Variants in ALDH3B1 observed in about 807,000 individuals in gnomAD.
ALDH3B1 encodes aldehyde dehydrogenase 3 family member B1, also known as aldehyde dehydrogenase family 3 member B1.
A neutral mutation model predicts 46.2 loss-of-function variants in ALDH3B1; 37 were observed. That is an observed-to-expected ratio of 0.80 (90% CI 0.62 to 1.05). The LOEUF (loss-of-function observed/expected upper bound fraction) is 1.05. ALDH3B1 is among the 50% of genes least tolerant of loss of function. ALDH3B1 has a pLI of 0.00. For missense variants in ALDH3B1, 603 were observed against 665.5 expected, an observed-to-expected ratio of 0.91 and a Z score of 1.03; for synonymous variants, 283 against 281.0, an observed-to-expected ratio of 1.01 and a Z score of -0.07.
At chr11:68,015,062 G>A (rs1857314724) in intron 1 of ALDH3B1, 1 of 448,308 alleles carries the variant, frequency 2.2e-6, no homozygotes, top group South Asian at 5.4e-5. Flanking sequence ...GGGGAGTGGT[G>A]CGAGGGTCTT....
chr11:68,019,368 C>T (rs544254070), intron 5 of ALDH3B1, 113 bp downstream of exon 5: 176 of 925,136 alleles, frequency 1.9e-4, no homozygotes, highest in Non-Finnish European at 2.6e-4. Flanking sequence ...TCAATCCTGC[C>T]TCTTCTGAGT....
intron 9 of ALDH3B1, among the ~76,000 whole-genome samples, chr11:68,026,921 C>A (rs1330662082): frequency 1.3e-5 from 2 of 152,172 alleles, no homozygotes; most frequent in African/African-American, 2.4e-5. Flanking sequence ...ACCTAGCTGC[C>A]TCCCCAGCCC....
At chr11:68,026,879 C>T (rs951305162) in intron 9 of ALDH3B1, among the ~76,000 whole-genome samples, 22 of 152,320 alleles carry the variant, frequency 1.4e-4, no homozygotes, top group South Asian at 4.1e-4. Context: ...TGTCCTGGCT[C>T]GGCTCGAGTT....
At position 68,013,095 on chromosome 11, in the gene ALDH3B1, T is replaced by A. The variant is rs1857267276; in HGVS notation, c.-1-2202T>A. ...CCCTATTCTGTGTGTCCACAATGGC[T>A]GCCCAGCACCCTCGGGAGATAACAG... On this transcript the variant is annotated intron_variant, in intron 1 of 9. Transcript: ENST00000342456. 2.0e-5 allele frequency among the ~76,000 whole-genome samples: 3 copies of A among 152,276 alleles called. No individual in the cohort carries two copies. The South Asian group carries it at 6.2e-4, about 32-fold the overall frequency.
In ALDH3B1 at chr11:68,027,988, C is replaced by T. The variant is rs781479683; in HGVS notation, c.*49C>T. ...AGACCACCATGACAGCTGTCGCCTG[C>T]GGCTGGTGGAGACGGGGCCTGGGCT... On this transcript the variant is annotated 3_prime_UTR_variant, in exon 10 of 10. Transcript: ENST00000342456. The T allele has an allele frequency of 6.4e-6, 10 of 1,559,208 alleles. No homozygotes were observed. The highest frequency in any genetic ancestry group is 1.7e-4 in the Middle Eastern group (1 of 6,028).
At chr11:68,010,121 C>T (rs1033398395), upstream of ALDH3B1, among the ~76,000 whole-genome samples, 1 of 152,194 alleles carries the variant, frequency 6.6e-6, no homozygotes, top group African/African-American at 2.4e-5. Flanking sequence ...GCTCGGAGCT[C>T]AGCCCTGCTG....
In ALDH3B1 at chr11:68,018,554, G is replaced by T; in HGVS notation, c.190G>T (p.Val64Phe). ...KSAFESEVSE[V>F]AISQGEVTLA... Reference sequence around the variant, plus strand: ...AGCCTTCGAGTCGGAGGTGTCTGAGGTTGCCATCAGCCAGGGCGAGGTCAC... The same window carrying T: ...AGCCTTCGAGTCGGAGGTGTCTGAGTTTGCCATCAGCCAGGGCGAGGTCAC... The change falls in exon 3 of 10, where the codon GTT becomes TTT. Residue 64 changes from valine (V) to phenylalanine (F), a missense_variant. Physicochemically the swap from Val to Phe is conservative, Grantham distance 50. Coordinates refer to ENST00000342456, the MANE Select transcript of ALDH3B1 (RefSeq NM_000694.4). 6.3e-7 allele frequency: 1 copy of T among 1,578,840 alleles called. No homozygotes were observed. The highest frequency in any genetic ancestry group is 8.6e-7 in the Non-Finnish European group (1 of 1,162,604).
chr11:68,015,136 G>A, intron 1 of ALDH3B1, 161 bp from the exon 2 acceptor site: 1 of 716,542 alleles, frequency 1.4e-6, no homozygotes, highest in Non-Finnish European at 2.2e-6. Flanking sequence ...AGTCCCTGTG[G>A]GGTCATCTGA....
At chr11:68,011,643 C>T (rs77706850) in intron 1 of ALDH3B1, among the ~76,000 whole-genome samples, 1,759 of 152,300 alleles carry the variant, frequency 0.012, 38 homozygotes, top group African/African-American at 0.04. Flanking sequence ...TAGTGATCCC[C>T]GCCTTCTGGC....
At chr11:68,009,145 A>C (rs1455956554), upstream of ALDH3B1, among the ~76,000 whole-genome samples, 1 of 152,194 alleles carries the variant, frequency 6.6e-6, no homozygotes, top group Non-Finnish European at 1.5e-5. Flanking sequence ...GCTCTGCCAC[A>C]CACACGCCCC....
chr11:68,022,430 G>A (rs1196427340), intron 7 of ALDH3B1, among the ~76,000 whole-genome samples, 165 bp from the exon 8 acceptor site: 2 of 152,198 alleles, frequency 1.3e-5, no homozygotes, highest in Admixed American at 6.5e-5. Context: ...GGGGGCTGTG[G>A]GGAGACTTTC....
At chr11:68,019,916 A>C (rs1386797203) in intron 6 of ALDH3B1, 120 bp downstream of exon 6, 8 of 1,125,410 alleles carry the variant, frequency 7.1e-6, no homozygotes, top group Non-Finnish European at 1.0e-5. Flanking sequence ...CTCTCTCTGG[A>C]CCAGGCTGGG....
chr11:68,017,198 C>T (rs1001667347), intron 2 of ALDH3B1: 5 of 152,330 alleles, frequency 3.3e-5, no homozygotes, highest in Non-Finnish European at 5.9e-5. Flanking sequence ...CCCAGGTGAC[C>T]TAGGAGGTGT....
In ALDH3B1 at chr11:68,028,667, G is replaced by C. The variant is rs1854652891; in HGVS notation, c.*728G>C. ...ACTCCGGCCTGGGTGACAGAAGGAG[G>C]CTCTGCCTTAAAAAAAAAAAAAAAA... On this transcript the variant is annotated 3_prime_UTR_variant, in exon 10 of 10. Transcript: ENST00000342456. 7.4e-6 allele frequency: 1 copy of C among 135,028 alleles called. No homozygotes were observed. Among genetic ancestry groups the C allele is most frequent in the African/African-American group, 3.0e-5 (1 of 33,018 alleles). 8.4% of individuals were successfully genotyped at this position (135,028 alleles called of 1,614,324 possible). A position where few individuals can be genotyped will look rare whatever the true frequency, so the allele number is the denominator to read the frequency against.
chr11:68,018,233 C>G (rs1020755704), intron 2 of ALDH3B1: 13 of 447,830 alleles, frequency 2.9e-5, no homozygotes, highest in African/African-American at 1.4e-4. Context: ...GTCTCCACCC[C>G]CACCCTGCTC....
chr11:68,027,685 C>A, intron 9 of ALDH3B1, 64 bp from the exon 10 acceptor site: 1 of 1,497,914 alleles, frequency 6.7e-7, no homozygotes. Flanking sequence ...CCCGCCTAGG[C>A]CCCACTGTCT....
chr11:68,022,491 C>G, intron 7 of ALDH3B1, 104 bp from the exon 8 acceptor site: 1 of 1,438,088 alleles, frequency 7.0e-7, no homozygotes, highest in Non-Finnish European at 9.3e-7. Context: ...ACCTTGGGAT[C>G]CTGGCCTAGA....
chr11:68,022,369 C>T (rs3764819), intron 7 of ALDH3B1, among the ~76,000 whole-genome samples: 36,451 of 152,184 alleles, frequency 0.24, 4,560 homozygotes, highest in African/African-American at 0.31. Context: ...GGGGGATTCT[C>T]TGTGTCCCAC....
At chr11:68,010,094 C>T (rs1459585048), upstream of ALDH3B1, among the ~76,000 whole-genome samples, 1 of 152,246 alleles carries the variant, frequency 6.6e-6, no homozygotes, top group Non-Finnish European at 1.5e-5. Context: ...TCCTCCTCCT[C>T]CTCAGGCTGC....
Sources: gnomAD v4.1 joint callset for allele counts (sites outside exome capture counted in the v4.1 genomes callset) on GRCh38, gnomAD v4.1.1 for gene constraint, MANE v1.5 for transcripts, NCBI Gene and HGNC (gene_info 2026-07-23, HGNC 2026-07-21) for gene names.